Variants in TNFRSF19 observed in about 807,000 individuals in gnomAD.
The protein encoded by TNFRSF19 is TNF receptor superfamily member 19.
TNFRSF19 carries 27 observed loss-of-function variants against 46.4 expected under a neutral mutation model. The observed-to-expected ratio is 0.58, with a 90% confidence interval of 0.43 to 0.80. The LOEUF is 0.80. Among genes scored for constraint, TNFRSF19 ranks in the 30% least tolerant of loss-of-function variants. TNFRSF19 has a pLI of 0.00. For synonymous variants in TNFRSF19, 204 were observed against 205.0 expected (o/e 1.00, Z 0.04); for missense variants, 511 against 530.8 (o/e 0.96, Z 0.37).
intron 7 of TNFRSF19, among the ~76,000 whole-genome samples, chr13:23,662,489 G>A (rs1275384878): frequency 6.6e-6 from 1 of 152,106 alleles, no homozygotes; most frequent in African/African-American, 2.4e-5. Context: ...TTTTTGACTA[G>A]GATTGCCTTG....
Position 23,673,470 on chromosome 13 carries a change from G to C in TNFRSF19, c.*90G>C. ...TTATGGACTGAGCAGTCTGGACCTT[G>C]CATGGCTTCTGGGGCAAAAATAAAT... On this transcript the variant is annotated 3_prime_UTR_variant, in exon 10 of 10. Coordinates refer to ENST00000248484, the MANE Select transcript of TNFRSF19 (RefSeq NM_148957.4). The C allele has an allele frequency of 6.9e-6, 10 of 1,443,852 alleles. No individual in the cohort carries two copies. Among genetic ancestry groups the C allele is most frequent in the Non-Finnish European group, 9.2e-6 (10 of 1,087,862 alleles). The allele number at this position is 1,443,852 out of a possible 1,614,324, so 89.4% of individuals were successfully genotyped here.
chr13:23,642,211 G>A (rs960703763), intron 5 of TNFRSF19, among the ~76,000 whole-genome samples: 2 of 152,060 alleles, frequency 1.3e-5, no homozygotes, highest in Non-Finnish European at 2.9e-5. Context: ...GAGGGCTATG[G>A]GGACACATGC....
intron 4 of TNFRSF19, among the ~76,000 whole-genome samples, chr13:23,624,457 A>C (rs1018030949): frequency 6.6e-6 from 1 of 152,104 alleles, no homozygotes; most frequent in Non-Finnish European, 1.5e-5. Flanking sequence ...AATGTTGAGC[A>C]ATTTCTGAAT....
intron 3 of TNFRSF19, chr13:23,594,221 C>A (rs1200975940): frequency 4.4e-6 from 2 of 450,502 alleles, no homozygotes; most frequent in Non-Finnish European, 8.9e-6. Flanking sequence ...TTTTTTCATA[C>A]CCTAGTGGCA....
chr13:23,586,880 CT>C (rs543176253), intron 1 of TNFRSF19, among the ~76,000 whole-genome samples: 2 of 152,202 alleles, frequency 1.3e-5, no homozygotes, highest in Admixed American at 1.3e-4. Flanking sequence ...ACATTTCATG[CT>C]TGTGGAATAC....
At chr13:23,582,294 G>A (rs944003881) in intron 1 of TNFRSF19, among the ~76,000 whole-genome samples, 3 of 151,512 alleles carry the variant, frequency 2.0e-5, no homozygotes, top group Non-Finnish European at 4.4e-5. Context: ...CCAGCTACTC[G>A]GGAGGCTGAG....
intron 7 of TNFRSF19, among the ~76,000 whole-genome samples, chr13:23,665,551 C>T (rs1270502890): frequency 2.0e-5 from 3 of 150,134 alleles, no homozygotes; most frequent in Non-Finnish European, 4.4e-5. Flanking sequence ...AGAATTCCCA[C>T]ATGTCCTTTA....
chr13:23,593,221 T>C (rs1879443407), intron 2 of TNFRSF19, 124 bp from the exon 3 acceptor site: 1 of 540,096 alleles, frequency 1.9e-6, no homozygotes. Flanking sequence ...GAACATTGAA[T>C]TGACTTGAAC....
intron 2 of TNFRSF19, among the ~76,000 whole-genome samples, chr13:23,590,733 C>T (rs773010954): frequency 5.9e-5 from 9 of 152,314 alleles, no homozygotes; most frequent in Non-Finnish European, 1.3e-4. Flanking sequence ...AAGATTGCTG[C>T]TCATTCATGA....
intron 2 of TNFRSF19, among the ~76,000 whole-genome samples, chr13:23,592,823 G>A (rs144370597): frequency 2.7e-4 from 41 of 152,286 alleles, no homozygotes; most frequent in African/African-American, 7.9e-4. Context: ...CGATAATTGC[G>A]AAGTTCTTGT....
At chr13:23,597,165 C>T (rs943687260) in intron 3 of TNFRSF19, among the ~76,000 whole-genome samples, 2 of 152,036 alleles carry the variant, frequency 1.3e-5, no homozygotes, top group African/African-American at 2.4e-5. Flanking sequence ...AATTGACACC[C>T]TAACATCACA....
intron 5 of TNFRSF19, among the ~76,000 whole-genome samples, chr13:23,643,005 T>G (rs1883114321): frequency 6.6e-6 from 1 of 152,260 alleles, no homozygotes; most frequent in South Asian, 2.1e-4. Context: ...CTTTTTCTGC[T>G]TCATCAGTAG....
At chr13:23,641,260 C>T (rs184525107) in intron 5 of TNFRSF19, among the ~76,000 whole-genome samples, 22 of 152,278 alleles carry the variant, frequency 1.4e-4, no homozygotes, top group Admixed American at 5.2e-4. Context: ...GCAGGAGGCA[C>T]CTCAGCTATG....
At chr13:23,663,746 A>G (rs1320846665) in intron 7 of TNFRSF19, among the ~76,000 whole-genome samples, 1 of 151,984 alleles carries the variant, frequency 6.6e-6, no homozygotes, top group Admixed American at 6.6e-5. Flanking sequence ...GGGAGGGTGT[A>G]TGTGTCCAGA....
intron 4 of TNFRSF19, among the ~76,000 whole-genome samples, chr13:23,621,057 T>C (rs1246275034): frequency 6.6e-6 from 1 of 152,116 alleles, no homozygotes; most frequent in Non-Finnish European, 1.5e-5. Context: ...ATGTCTGATA[T>C]CACTGGGAGG....
chr13:23,571,227 A>G, intron 1 of TNFRSF19, among the ~76,000 whole-genome samples: 1 of 152,216 alleles, frequency 6.6e-6, no homozygotes, highest in East Asian at 1.9e-4. Flanking sequence ...CAGTCAGTGC[A>G]ACTTTGCTTG....
At chr13:23,631,295 A>G in intron 5 of TNFRSF19, among the ~76,000 whole-genome samples, 1 of 152,188 alleles carries the variant, frequency 6.6e-6, no homozygotes, top group South Asian at 2.1e-4. Flanking sequence ...AAAACAAAGC[A>G]TTCTAAGGGT....
intron 1 of TNFRSF19, among the ~76,000 whole-genome samples, chr13:23,574,716 G>A (rs551874363): frequency 6.6e-6 from 1 of 152,262 alleles, no homozygotes; most frequent in Non-Finnish European, 1.5e-5. Context: ...TCTTTAAAAC[G>A]TTGTCCACCT....
intron 3 of TNFRSF19, among the ~76,000 whole-genome samples, chr13:23,597,658 TACCAGA>T (rs1879835699): frequency 6.6e-6 from 1 of 152,202 alleles, no homozygotes; most frequent in Non-Finnish European, 1.5e-5. Context: ...AGCCGAATTC[TACCAGA>T]GGTACAAAGA....
Sources: gnomAD v4.1 joint callset for allele counts (sites outside exome capture counted in the v4.1 genomes callset) on GRCh38, gnomAD v4.1.1 for gene constraint, MANE v1.5 for transcripts, NCBI Gene and HGNC (gene_info 2026-07-23, HGNC 2026-07-21) for gene names.